Variants in TCF4 observed in about 807,000 individuals in gnomAD.
TCF4 encodes transcription factor 4.
In TCF4, 3 loss-of-function variants were observed where a neutral mutation model predicts 82.1. The observed-to-expected ratio is 0.04, with a 90% CI of 0.02 to 0.09. The LOEUF is 0.09. Among genes scored for constraint, TCF4 ranks in the 10% least tolerant of loss-of-function variants. The pLI is 1.00. For synonymous variants in TCF4, 276 were observed against 309.6 expected (o/e 0.89, Z 1.14); for missense variants, 518 against 852.7 (o/e 0.61, Z 4.89).
intron 6 of TCF4, among the ~76,000 whole-genome samples, chr18:55,361,502 T>A (rs1225780681): frequency 6.6e-6 from 1 of 152,246 alleles, no homozygotes; most frequent in Non-Finnish European, 1.5e-5. Flanking sequence ...TCTGCACTTT[T>A]ACAAAGGCTA....
chr18:55,358,070 T>C (rs2084049647), intron 6 of TCF4, among the ~76,000 whole-genome samples: 1 of 152,230 alleles, frequency 6.6e-6, no homozygotes, highest in Non-Finnish European at 1.5e-5. Context: ...AGATTCTTTC[T>C]TGAATATCTG....
chr18:55,276,573 A>G (rs1183519583), intron 9 of TCF4, among the ~76,000 whole-genome samples: 3 of 152,192 alleles, frequency 2.0e-5, no homozygotes, highest in Middle Eastern at 3.2e-3. Context: ...CTATTGGCCT[A>G]CAGGTTATTA....
intron 8 of TCF4, among the ~76,000 whole-genome samples, chr18:55,318,871 C>G (rs193171199): frequency 1.2e-3 from 190 of 152,198 alleles, no homozygotes; most frequent in African/African-American, 4.5e-3. Flanking sequence ...AACCATAATT[C>G]TTGTAATGCT....
At chr18:55,409,237 C>G (rs1413880809) in intron 5 of TCF4, among the ~76,000 whole-genome samples, 5 of 152,090 alleles carry the variant, frequency 3.3e-5, no homozygotes, top group African/African-American at 1.2e-4. Flanking sequence ...CAACGGGCTC[C>G]AAAAACCAAA....
intron 6 of TCF4, among the ~76,000 whole-genome samples, chr18:55,358,698 C>G (rs558651256): frequency 6.6e-6 from 1 of 152,306 alleles, no homozygotes; most frequent in South Asian, 2.1e-4. Context: ...CTCCCACAAC[C>G]ATTAGAAGGC....
chr18:55,578,348 G>A (rs1204554770), intron 3 of TCF4, among the ~76,000 whole-genome samples: 1 of 151,964 alleles, frequency 6.6e-6, no homozygotes, highest in African/African-American at 2.4e-5. Flanking sequence ...TTGACCAGAG[G>A]GTCAGGACAT....
intron 2 of TCF4, among the ~76,000 whole-genome samples, chr18:55,610,260 C>A (rs916643227): frequency 2.6e-5 from 4 of 152,098 alleles, no homozygotes. Flanking sequence ...TATCCATTTC[C>A]CTGGCCTAAT....
intron 8 of TCF4, among the ~76,000 whole-genome samples, chr18:55,301,815 G>A (rs903812110): frequency 3.3e-5 from 4 of 120,132 alleles, no homozygotes; most frequent in Admixed American, 8.1e-5. Context: ...AAAAAAAAGT[G>A]GGGGGGGATT....
intron 3 of TCF4, among the ~76,000 whole-genome samples, chr18:55,557,739 C>T (rs556695751): frequency 2.6e-5 from 4 of 152,214 alleles, no homozygotes; most frequent in African/African-American, 9.6e-5. Context: ...GCCTTCCCCA[C>T]CCCTACTCAG....
At chr18:55,365,155 A>AT (rs2086533324) in intron 6 of TCF4, among the ~76,000 whole-genome samples, 3 of 72,394 alleles carry the variant, frequency 4.1e-5, no homozygotes, top group Non-Finnish European at 7.0e-5. Flanking sequence ...TCCATCTCCA[A>AT]AATATATATA....
At chr18:55,473,961 G>A (rs2096239997) in intron 3 of TCF4, among the ~76,000 whole-genome samples, 1 of 152,184 alleles carries the variant, frequency 6.6e-6, no homozygotes, top group African/African-American at 2.4e-5. Flanking sequence ...AAACAAGCCA[G>A]ATTATCTAAT....
intron 15 of TCF4, among the ~76,000 whole-genome samples, chr18:55,239,094 C>T (rs1023046224): frequency 6.6e-6 from 1 of 152,146 alleles, no homozygotes; most frequent in South Asian, 2.1e-4. Context: ...AATTCCAACA[C>T]AGCTATTTGA....
At chr18:55,259,786 C>A (rs974291746) in intron 13 of TCF4, 163 bp downstream of exon 13, 1 of 650,166 alleles carries the variant, frequency 1.5e-6, no homozygotes, top group South Asian at 1.8e-5. Context: ...ATACTGTTAT[C>A]TGGTAATTTG....
chr18:55,562,868 TAGAC>T (rs777839362), intron 3 of TCF4, among the ~76,000 whole-genome samples: 4 of 152,180 alleles, frequency 2.6e-5, no homozygotes, highest in South Asian at 2.1e-4. Context: ...GATAGGTAGA[TAGAC>T]AGGCAGATAC....
intron 3 of TCF4, among the ~76,000 whole-genome samples, chr18:55,526,461 A>T (rs906045159): frequency 6.6e-6 from 1 of 152,212 alleles, no homozygotes; most frequent in East Asian, 1.9e-4. Context: ...AGATATTCTA[A>T]GAGTACATAG....
At chr18:55,589,884 A>C, upstream of TCF4, 1 of 979,166 alleles carries the variant, frequency 1.0e-6, no homozygotes, top group African/African-American at 1.7e-5. Context: ...GCGACCATAG[A>C]GTGGTAAACA....
intron 5 of TCF4, among the ~76,000 whole-genome samples, chr18:55,441,628 C>T (rs1264478036): frequency 6.6e-6 from 1 of 152,020 alleles, no homozygotes; most frequent in Non-Finnish European, 1.5e-5. Context: ...AGATACCACC[C>T]AGTAAATTTG....
chr18:55,410,692 T>G (rs1342705120), intron 5 of TCF4, among the ~76,000 whole-genome samples: 1 of 152,010 alleles, frequency 6.6e-6, no homozygotes. Flanking sequence ...CCACCTCCGT[T>G]TGGAGTTTTC....
chr18:55,545,515 C>T (rs2147037856), intron 3 of TCF4, among the ~76,000 whole-genome samples: 1 of 152,234 alleles, frequency 6.6e-6, no homozygotes. Context: ...GTGGCGGGAT[C>T]TCAGCTCACT....
Sources: allele counts gnomAD v4.1 joint callset (sites outside exome capture counted in the v4.1 genomes callset), GRCh38; gene constraint gnomAD v4.1.1; transcripts MANE v1.5; gene names NCBI Gene and HGNC (gene_info 2026-07-23, HGNC 2026-07-21).